Variants in OPHN1 observed in about 807,000 individuals in gnomAD.
OPHN1 encodes oligophrenin-1.
In OPHN1, 11 loss-of-function variants were observed where a neutral mutation model predicts 60.7. That is an observed-to-expected ratio of 0.18 (90% CI 0.11 to 0.30). The LOEUF is 0.30. Ranked by LOEUF, OPHN1 falls within the 10% of genes least tolerant of loss-of-function variation. OPHN1 has a pLI of 1.00. For synonymous variants in OPHN1, 226 were observed against 222.6 expected (o/e 1.02, Z -0.14); for missense variants, 449 against 611.0 (o/e 0.73, Z 2.80).
intron 15 of OPHN1, among the ~76,000 whole-genome samples, chrX:68,160,320 C>T (rs1448833726): frequency 1.8e-5 from 2 of 110,640 alleles, no homozygotes; most frequent in Admixed American, 9.7e-5. Flanking sequence ...ATAAATAATT[C>T]CACAATAATA....
At chrX:68,391,807 A>C (rs760230511) in intron 2 of OPHN1, among the ~76,000 whole-genome samples, 73 of 111,475 alleles carry the variant, frequency 6.5e-4, no homozygotes, top group Non-Finnish European at 1.2e-3. Context: ...TGTGCTTTAA[A>C]GATGGAGGAT....
intron 4 of OPHN1, 97 bp downstream of exon 4, chrX:68,282,959 A>C: frequency 1.5e-6 from 1 of 665,021 alleles, no homozygotes; most frequent in East Asian, 3.4e-5. Flanking sequence ...ATCTGACAGA[A>C]ATCAAAATAG....
chrX:68,389,856 G>C (rs1194255587), intron 2 of OPHN1, among the ~76,000 whole-genome samples: 57 of 110,751 alleles, frequency 5.1e-4, no homozygotes, highest in Non-Finnish European at 1.7e-4. Context: ...ATTAAATTGA[G>C]ATAATGTATG....
chrX:68,146,195 A>G (rs2077263134), intron 15 of OPHN1, among the ~76,000 whole-genome samples: 1 of 112,183 alleles, frequency 8.9e-6, no homozygotes, highest in Admixed American at 9.5e-5. Flanking sequence ...CTGGCAGCAT[A>G]AAGTCCACAT....
intron 2 of OPHN1, among the ~76,000 whole-genome samples, chrX:68,387,200 T>TTCTCTCTCTC (rs61349611): frequency 1.4e-4 from 14 of 100,131 alleles, no homozygotes; most frequent in East Asian, 1.3e-3. Context: ...TTCTTTCTGT[T>TTCTCTCTCTC]TCTCTCTCTC....
At chrX:68,330,668 T>C (rs762188241) in intron 2 of OPHN1, among the ~76,000 whole-genome samples, 2 of 108,940 alleles carry the variant, frequency 1.8e-5, no homozygotes, top group South Asian at 3.9e-4. Context: ...TATATCTATA[T>C]ACTGTATATC....
intron 18 of OPHN1, 64 bp from the exon 19 acceptor site, chrX:68,097,093 G>A (rs764034526): frequency 2.8e-6 from 3 of 1,074,163 alleles, no homozygotes; most frequent in South Asian, 4.3e-5. Flanking sequence ...AACCAAGACT[G>A]TTTTAGGTGC....
chrX:68,326,967 G>A, intron 2 of OPHN1, among the ~76,000 whole-genome samples: 1 of 31,914 alleles, frequency 3.1e-5, no homozygotes. Flanking sequence ...CCTCTGCCCG[G>A]CCGCCCCTAC....
chrX:68,328,232 T>C (rs1251376131), intron 2 of OPHN1, among the ~76,000 whole-genome samples: 5 of 98,450 alleles, frequency 5.1e-5, no homozygotes, highest in East Asian at 3.3e-4. Flanking sequence ...GGGTTCACGC[T>C]ATTCTCCTGC....
chrX:68,210,028 G>T, intron 9 of OPHN1, 125 bp downstream of exon 9: 1 of 663,946 alleles, frequency 1.5e-6, no homozygotes, highest in Non-Finnish European at 2.4e-6. Flanking sequence ...CCCTGCCTGC[G>T]TTCCAAGGGA....
chrX:68,388,961 T>A (rs999774198), intron 2 of OPHN1, among the ~76,000 whole-genome samples: 1 of 92,666 alleles, frequency 1.1e-5, no homozygotes, highest in African/African-American at 4.9e-5. Flanking sequence ...CTAGTCAACA[T>A]TTTTTTTTTT....
At chrX:68,392,505 A>G (rs2078658525) in intron 2 of OPHN1, among the ~76,000 whole-genome samples, 1 of 109,916 alleles carries the variant, frequency 9.1e-6, no homozygotes, top group Non-Finnish European at 1.9e-5. Flanking sequence ...CACACAGGAG[A>G]CAGGCAAATA....
At chrX:68,161,989 A>G (rs2077336762) in intron 15 of OPHN1, among the ~76,000 whole-genome samples, 1 of 111,394 alleles carries the variant, frequency 9.0e-6, no homozygotes, top group Admixed American at 9.6e-5. Flanking sequence ...CTACACTGTA[A>G]CATCACTTAT....
intron 2 of OPHN1, among the ~76,000 whole-genome samples, chrX:68,375,193 C>T (rs2078550427): frequency 8.9e-6 from 1 of 112,348 alleles, no homozygotes; most frequent in African/African-American, 3.2e-5. Flanking sequence ...TATCTGTAAT[C>T]ATGAAAAACT....
rs192881133 is a variant in OPHN1 at position 68,186,331 on chromosome X, C to T, written c.1276+6588G>A. On this transcript the variant is annotated intron_variant, in intron 15 of 24. Coordinates refer to ENST00000355520, the MANE Select transcript of OPHN1 (RefSeq NM_002547.3). ...CTCAGGGCATAGTTCATCTGCCTAACCTGGCTCAAAATGGGGGCTCTGGGG... is the reference window on the plus strand; with the variant it reads ...CTCAGGGCATAGTTCATCTGCCTAATCTGGCTCAAAATGGGGGCTCTGGGG... 1.2e-3 allele frequency among the ~76,000 whole-genome samples: 132 copies of T among 110,843 alleles called. No individual in the cohort carries two copies. In the Middle Eastern group the frequency reaches 0.019, roughly 16 times the overall value.
At chrX:68,152,792 T>C (rs947055483) in intron 15 of OPHN1, among the ~76,000 whole-genome samples, 2 of 111,336 alleles carry the variant, frequency 1.8e-5, no homozygotes, top group Non-Finnish European at 3.8e-5. Context: ...ACTTCTAATC[T>C]GCTAGCTCCT....
At chrX:68,308,455 G>A (rs754204867) in intron 2 of OPHN1, among the ~76,000 whole-genome samples, 1 of 109,080 alleles carries the variant, frequency 9.2e-6, no homozygotes, top group Non-Finnish European at 1.9e-5. Flanking sequence ...AGGCAGGCGT[G>A]GTGGTGTGTG....
At chrX:68,390,784 C>T (rs2078649937) in intron 2 of OPHN1, among the ~76,000 whole-genome samples, 1 of 111,799 alleles carries the variant, frequency 8.9e-6, no homozygotes, top group African/African-American at 3.3e-5. Flanking sequence ...ACAGTATTCA[C>T]AAAACATGTT....
At chrX:68,236,934 A>G (rs2077755492) in intron 5 of OPHN1, among the ~76,000 whole-genome samples, 1 of 112,219 alleles carries the variant, frequency 8.9e-6, no homozygotes, top group African/African-American at 3.2e-5. Flanking sequence ...CTATATGTCT[A>G]TCTTTATGTC....
Sources: allele counts gnomAD v4.1 joint callset (sites outside exome capture counted in the v4.1 genomes callset), GRCh38; gene constraint gnomAD v4.1.1; transcripts MANE v1.5; gene names NCBI Gene and HGNC (gene_info 2026-07-23, HGNC 2026-07-21).